Variants in KCNN3 observed in about 807,000 individuals in gnomAD.
The protein encoded by KCNN3 is potassium calcium-activated channel subfamily N member 3.
In KCNN3, 16 loss-of-function variants were observed where a neutral mutation model predicts 62.9. The observed-to-expected ratio is 0.25, with a 90% CI of 0.17 to 0.39. The LOEUF (loss-of-function observed/expected upper bound fraction) is 0.39, where lower values mean the gene tolerates loss of function less well. Among genes scored for constraint, KCNN3 ranks in the 10% least tolerant of loss-of-function variants. The pLI, the probability that KCNN3 is intolerant of heterozygous loss-of-function variation, is 1.00. For missense variants in KCNN3, 599 were observed against 949.4 expected, an observed-to-expected ratio of 0.63 and a Z score of 4.85; for synonymous variants, 370 against 389.2, an observed-to-expected ratio of 0.95 and a Z score of 0.58.
Position 154,801,033 on chromosome 1 carries a change from G to C in KCNN3, c.1029+21056C>G, listed in dbSNP as rs1039908244. On this transcript the variant is annotated intron_variant, in intron 2 of 7. Transcript: ENST00000271915. Reference sequence around the variant, plus strand: ...TCCCTCCAACCAGACCTTATCCCCCGCTCAAAAAGAGAAAGAAAAAGATTC... The same window carrying C: ...TCCCTCCAACCAGACCTTATCCCCCCCTCAAAAAGAGAAAGAAAAAGATTC... Among the ~76,000 whole-genome samples, 3 of 152,080 alleles carry C rather than the reference G, an allele frequency of 2.0e-5. No homozygotes were observed. The South Asian group carries it at 6.2e-4, about 32-fold the overall frequency.
chr1:154,773,801 T>C (rs1648672562), intron 2 of KCNN3, among the ~76,000 whole-genome samples: 1 of 152,232 alleles, frequency 6.6e-6, no homozygotes, highest in African/African-American at 2.4e-5. Context: ...CTGCCAGACC[T>C]GAGCTGAGCC....
At chr1:154,848,937 C>T (rs148574762) in intron 1 of KCNN3, among the ~76,000 whole-genome samples, 37 of 152,320 alleles carry the variant, frequency 2.4e-4, no homozygotes, top group African/African-American at 8.4e-4. Flanking sequence ...GGGGCCAGTG[C>T]CTGCCACAGA....
At chr1:154,727,702 ACT>A (rs773752933) in intron 4 of KCNN3, among the ~76,000 whole-genome samples, 100 of 151,876 alleles carry the variant, frequency 6.6e-4, no homozygotes, top group Non-Finnish European at 1.3e-3. Context: ...CTTACAGGAG[ACT>A]CTGTGCCCAA....
At chr1:154,820,771 C>A (rs11583758) in intron 2 of KCNN3, among the ~76,000 whole-genome samples, 5,344 of 152,288 alleles carry the variant, frequency 0.035, 117 homozygotes, top group Non-Finnish European at 0.051. Flanking sequence ...ATCTGCAACC[C>A]TTTAGAGGCT....
At chr1:154,710,715 T>C (rs1700056418) in intron 7 of KCNN3, among the ~76,000 whole-genome samples, 1 of 152,114 alleles carries the variant, frequency 6.6e-6, no homozygotes, top group Non-Finnish European at 1.5e-5. Context: ...AAGAAGACAT[T>C]TATGCAGCCA....
rs2101748272 is a variant in KCNN3 at position 154,702,804 on chromosome 1, G to C, written c.*5172C>G. 1 of 145,124 alleles carries C rather than the reference G, an allele frequency of 6.9e-6. No homozygotes were observed. Among genetic ancestry groups the C allele is most frequent in the African/African-American group, 2.5e-5 (1 of 39,410 alleles). 9.0% of individuals were successfully genotyped at this position (145,124 alleles called of 1,614,324 possible). On this transcript the variant is annotated 3_prime_UTR_variant, in exon 8 of 8. Transcript: ENST00000271915. ...CATCTCTTTGGGATCCTAACTGCAGGTTGGAGTTGAATTTTGTGCTTTTCC... is the reference window on the plus strand; with the variant it reads ...CATCTCTTTGGGATCCTAACTGCAGCTTGGAGTTGAATTTTGTGCTTTTCC...
chr1:154,780,259 T>C (rs558410575), intron 2 of KCNN3, among the ~76,000 whole-genome samples: 3 of 149,172 alleles, frequency 2.0e-5, no homozygotes, highest in South Asian at 2.1e-4. Flanking sequence ...TCACTCGTTT[T>C]TCCCCCCATT....
At chr1:154,848,100 C>G (rs571067476) in intron 1 of KCNN3, among the ~76,000 whole-genome samples, 13 of 152,330 alleles carry the variant, frequency 8.5e-5, no homozygotes, top group East Asian at 7.7e-4. Flanking sequence ...AGGCCTCCCC[C>G]CCTCCCCAGC....
At chr1:154,735,087 G>A (rs1006787340) in intron 3 of KCNN3, among the ~76,000 whole-genome samples, 1 of 152,170 alleles carries the variant, frequency 6.6e-6, no homozygotes, top group Non-Finnish European at 1.5e-5. Context: ...AGAGATTCTG[G>A]GTTCTTGAGC....
intron 1 of KCNN3, among the ~76,000 whole-genome samples, chr1:154,844,024 A>AGGGGAAGGCCAAAGAACACAC (rs1651941270): frequency 6.6e-6 from 1 of 152,204 alleles, no homozygotes; most frequent in Admixed American, 6.5e-5. Flanking sequence ...CCAGGCCAGC[A>AGGGGAAGGCCAAAGAACACAC]GGGGAAGGCC....
At chr1:154,842,186 A>C (rs937414837) in intron 1 of KCNN3, among the ~76,000 whole-genome samples, 1 of 152,080 alleles carries the variant, frequency 6.6e-6, no homozygotes, top group Non-Finnish European at 1.5e-5. Context: ...ATGGGGTGGG[A>C]CCCTATGGTC....
At chr1:154,708,884 C>G (rs1253026994) in intron 7 of KCNN3, among the ~76,000 whole-genome samples, 1 of 152,180 alleles carries the variant, frequency 6.6e-6, no homozygotes, top group Non-Finnish European at 1.5e-5. Context: ...CAGTGCTTAG[C>G]CAAAGGAGGC....
chr1:154,813,357 A>G (rs1382798227), intron 2 of KCNN3, among the ~76,000 whole-genome samples: 1 of 152,100 alleles, frequency 6.6e-6, no homozygotes, highest in Non-Finnish European at 1.5e-5. Context: ...GGCGAGGACA[A>G]GTGTGTGGTT....
At chr1:154,717,178 T>G (rs1207792838) in intron 5 of KCNN3, among the ~76,000 whole-genome samples, 2 of 152,206 alleles carry the variant, frequency 1.3e-5, no homozygotes, top group African/African-American at 4.8e-5. Flanking sequence ...CTAAGCTCCT[T>G]TAATCCTCAC....
intron 4 of KCNN3, among the ~76,000 whole-genome samples, chr1:154,732,266 T>C (rs539912288): frequency 6.4e-4 from 97 of 152,270 alleles, no homozygotes; most frequent in African/African-American, 2.3e-3. Context: ...GTGATGGCCA[T>C]GTGACAGGTG....
intron 7 of KCNN3, among the ~76,000 whole-genome samples, chr1:154,709,354 T>G (rs1700027784): frequency 6.6e-6 from 1 of 152,004 alleles, no homozygotes; most frequent in South Asian, 2.1e-4. Flanking sequence ...GGTGGTTGCT[T>G]GGTCATCCCT....
At chr1:154,738,732 T>A (rs1176731270) in intron 3 of KCNN3, among the ~76,000 whole-genome samples, 1 of 152,220 alleles carries the variant, frequency 6.6e-6, no homozygotes, top group East Asian at 1.9e-4. Flanking sequence ...TTTAGACAAC[T>A]GCCAGAGTTT....
Position 154,820,396 on chromosome 1 carries a change from A to G in KCNN3, c.1029+1693T>C, listed in dbSNP as rs151034212. ...ACAGCTCCTCTTCTTCCCCTTCCTCAAGCCTGGGTCATAACTGAGTTTTAT... is the reference window on the plus strand; with the variant it reads ...ACAGCTCCTCTTCTTCCCCTTCCTCGAGCCTGGGTCATAACTGAGTTTTAT... On this transcript the variant is annotated intron_variant, in intron 2 of 7. Coordinates refer to ENST00000271915, the MANE Select transcript of KCNN3 (RefSeq NM_002249.6). Among the ~76,000 whole-genome samples, 37 of 152,348 alleles carry G rather than the reference A, an allele frequency of 2.4e-4. 1 individual carries two copies. In the East Asian group the frequency reaches 7.1e-3, roughly 29 times the overall value.
intron 4 of KCNN3, among the ~76,000 whole-genome samples, chr1:154,731,352 G>T (rs1283736400): frequency 2.6e-5 from 4 of 152,246 alleles, no homozygotes; most frequent in African/African-American, 9.6e-5. Flanking sequence ...CCAGCGCTAA[G>T]CTTTTTGTCA....
Sources: allele counts gnomAD v4.1 joint callset (sites outside exome capture counted in the v4.1 genomes callset), GRCh38; gene constraint gnomAD v4.1.1; transcripts MANE v1.5; gene names NCBI Gene and HGNC (gene_info 2026-07-23, HGNC 2026-07-21).